HSPA4L: variants seen among roughly 807,000 people sequenced by gnomAD.
The protein encoded by HSPA4L is heat shock 70 kDa protein 4L.
A neutral mutation model predicts 100.3 loss-of-function variants in HSPA4L; 48 were observed. The observed-to-expected ratio is 0.48, with a 90% CI of 0.38 to 0.61. HSPA4L has a LOEUF of 0.61. Ranked by LOEUF, HSPA4L falls within the 20% of genes least tolerant of loss-of-function variation. The pLI is 0.00. For missense variants in HSPA4L, 886 were observed against 988.6 expected (o/e 0.90, Z 1.39); for synonymous variants, 319 against 328.2 (o/e 0.97, Z 0.30).
Position 127,838,149 on chromosome 4 carries a change from T to C in HSPA4L, c.*5275T>C, listed in dbSNP as rs1734255488. The C allele has an allele frequency of 6.6e-6, 1 of 152,216 alleles. No homozygotes were observed. The highest frequency in any genetic ancestry group is 1.5e-5 in the Non-Finnish European group (1 of 68,042). 9.4% of individuals were successfully genotyped at this position (152,216 alleles called of 1,614,324 possible). A position where few individuals can be genotyped will look rare whatever the true frequency, so the allele number is the denominator to read the frequency against. On this transcript the variant is annotated 3_prime_UTR_variant, in exon 19 of 19. Coordinates refer to ENST00000296464, the MANE Select transcript of HSPA4L (RefSeq NM_014278.4). Reference sequence around the variant, plus strand: ...GTTTTCTAACAAAACAGCTTTGGATTTATAATGCTGCCAGATGTCATTACA... The same window carrying C: ...GTTTTCTAACAAAACAGCTTTGGATCTATAATGCTGCCAGATGTCATTACA...
Position 127,782,734 on chromosome 4 carries a change from C to A in HSPA4L, c.107+77C>A, listed in dbSNP as rs866289087. The A allele has an allele frequency of 1.0e-5, 11 of 1,053,342 alleles. No homozygotes were observed. The Middle Eastern group carries it at 6.4e-4, about 61-fold the overall frequency. The allele number at this position is 1,053,342 out of a possible 1,614,324, so 65.2% of individuals were successfully genotyped here. On this transcript the variant is annotated intron_variant, in intron 1 of 18. Coordinates refer to ENST00000296464, the MANE Select transcript of HSPA4L (RefSeq NM_014278.4). Reference sequence around the variant, plus strand: ...CCGTCCTTAACGTTTGTCCTGTCTGCTCGCTTCCTCGGATTTTCCCCTAAC... The same window carrying A: ...CCGTCCTTAACGTTTGTCCTGTCTGATCGCTTCCTCGGATTTTCCCCTAAC...
rs1475800215 is a variant in HSPA4L, at chr4:127,803,749, G to T, written c.784G>T (p.Ala262Ser). 2 of 1,613,912 alleles carry T rather than the reference G, an allele frequency of 1.2e-6. No homozygotes were observed. Among genetic ancestry groups the T allele is most frequent in the Non-Finnish European group, 1.7e-6 (2 of 1,179,938 alleles). Residue 262 changes from alanine (A) to serine (S), a missense_variant, in exon 7 of 19, where the codon GCC becomes TCC. Ala to Ser is a moderately conservative substitution (Grantham distance 99, BLOSUM62 1). Coordinates refer to ENST00000296464, the MANE Select transcript of HSPA4L (RefSeq NM_014278.4). ...YKINVKENSR[A>S]LLRLYQECEK... ...GATAAATGTGAAAGAAAACTCTCGG[G>T]CCTTGTTGCGTTTATATCAGGAATG...
At position 127,839,152 on chromosome 4, in the gene HSPA4L, C is replaced by A. The variant is rs919695287; in HGVS notation, c.*6278C>A. On this transcript the variant is annotated 3_prime_UTR_variant, in exon 19 of 19. Coordinates refer to ENST00000296464, the MANE Select transcript of HSPA4L (RefSeq NM_014278.4). The stretch of plus-strand genomic sequence containing the variant: ...AAATAGCTGTTAGACACCTTTGATT[C>A]TTTGCTGCTCTCTGGTTATGTATGT... 6.6e-6 allele frequency: 1 copy of A among 152,154 alleles called. No individual in the cohort carries two copies. Among genetic ancestry groups the A allele is most frequent in the Non-Finnish European group, 1.5e-5 (1 of 68,028 alleles). The allele number at this position is 152,154 out of a possible 1,614,324, so 9.4% of individuals were successfully genotyped here. A position where few individuals can be genotyped will look rare whatever the true frequency, so the allele number is the denominator to read the frequency against.
intron 11 of HSPA4L, chr4:127,809,310 T>C: frequency 8.3e-7 from 1 of 1,197,606 alleles, no homozygotes; most frequent in Non-Finnish European, 1.2e-6. Flanking sequence ...CTCGAGACCC[T>C]GTCTTAATAA....
chr4:127,803,960 AC>A (rs1171839916), intron 7 of HSPA4L, 50 bp from the exon 8 acceptor site: 2 of 1,608,010 alleles, frequency 1.2e-6, no homozygotes, highest in East Asian at 2.2e-5. Context: ...TTTAGAAGAT[AC>A]GCTCAACTTT....
At chr4:127,823,825 CACAT>C (rs1265436328) in intron 16 of HSPA4L, among the ~76,000 whole-genome samples, 3 of 152,150 alleles carry the variant, frequency 2.0e-5, no homozygotes, top group Admixed American at 1.3e-4. Context: ...TGCATTACCT[CACAT>C]ACATTTCTTT....
rs1308486482 is a variant in HSPA4L at position 127,838,489 on chromosome 4, C to G, written c.*5615C>G. ...TTTGGTTCAGTCTGTCAGGCAAGTA[C>G]AAATCCATAACAAAAAAAATTAATA... On this transcript the variant is annotated 3_prime_UTR_variant, in exon 19 of 19. Coordinates refer to ENST00000296464, the MANE Select transcript of HSPA4L (RefSeq NM_014278.4). 1.3e-5 allele frequency: 2 copies of G among 152,140 alleles called. No homozygotes were observed. Among genetic ancestry groups the G allele is most frequent in the Non-Finnish European group, 2.9e-5 (2 of 68,014 alleles). 9.4% of individuals were successfully genotyped at this position (152,140 alleles called of 1,614,324 possible).
chr4:127,804,228 T>C, intron 8 of HSPA4L, 141 bp downstream of exon 8: 5 of 648,950 alleles, frequency 7.7e-6, no homozygotes, highest in Non-Finnish European at 1.1e-5. Flanking sequence ...AGATTATAAC[T>C]CATTATTCAT....
chr4:127,801,661 T>C, intron 5 of HSPA4L, 124 bp from the exon 6 acceptor site: 2 of 712,658 alleles, frequency 2.8e-6, no homozygotes, highest in Non-Finnish European at 4.2e-6. Flanking sequence ...GAAAAGTTCA[T>C]TTACTTTGAA....
intron 8 of HSPA4L, among the ~76,000 whole-genome samples, chr4:127,804,753 TC>T (rs1424759480): frequency 1.3e-5 from 2 of 151,978 alleles, no homozygotes; most frequent in Admixed American, 6.6e-5. Flanking sequence ...ATTTTGGTAA[TC>T]AATTAAAAAT....
rs773825859 is a variant in HSPA4L, at chr4:127,782,547, C to T, written c.-4C>T. ...TACCAGCAGCCCGACCATCACGCGG[C>T]GGGATGTCTGTGGTTGGCATTGACC... On this transcript the variant is annotated 5_prime_UTR_variant, in exon 1 of 19. Transcript: ENST00000296464. The T allele has an allele frequency of 6.2e-7, 1 of 1,612,970 alleles. No homozygotes were observed. The highest frequency in any genetic ancestry group is 8.5e-7 in the Non-Finnish European group (1 of 1,178,976).
rs115535321 is a variant in HSPA4L at position 127,825,450 on chromosome 4, G to T, written c.2046+1826G>T. The stretch of plus-strand genomic sequence containing the variant: ...ACAACTTGGGACAGGCATGAGGTGG[G>T]GGAAGGTGTGCAAAAGAAGTTACTC... On this transcript the variant is annotated intron_variant, in intron 16 of 18. Coordinates refer to ENST00000296464, the MANE Select transcript of HSPA4L (RefSeq NM_014278.4). Among the ~76,000 whole-genome samples the T allele has an allele frequency of 9.9e-5, 15 of 152,172 alleles. No individual in the cohort carries two copies. The South Asian group carries it at 2.3e-3, about 23-fold the overall frequency.
At chr4:127,807,417 A>G (rs922100162) in intron 10 of HSPA4L, among the ~76,000 whole-genome samples, 8 of 152,058 alleles carry the variant, frequency 5.3e-5, no homozygotes, top group Admixed American at 4.6e-4. Flanking sequence ...TAGGATGCAC[A>G]CTGACGTTTT....
intron 1 of HSPA4L, among the ~76,000 whole-genome samples, chr4:127,788,877 T>C (rs991879223): frequency 2.0e-5 from 3 of 152,228 alleles, no homozygotes; most frequent in African/African-American, 7.2e-5. Flanking sequence ...CAAGCATAGT[T>C]GAAACTATTT....
intron 12 of HSPA4L, among the ~76,000 whole-genome samples, chr4:127,816,847 CTG>C (rs1733682030): frequency 6.6e-6 from 1 of 152,004 alleles, no homozygotes; most frequent in South Asian, 2.1e-4. Flanking sequence ...TTCCTTTTCT[CTG>C]TGAAAGATAT....
chr4:127,816,491 G>A (rs771480550), intron 12 of HSPA4L, among the ~76,000 whole-genome samples: 2 of 152,140 alleles, frequency 1.3e-5, no homozygotes, highest in Non-Finnish European at 1.5e-5. Context: ...GAACTCGGTT[G>A]TAATTCCTAG....
intron 12 of HSPA4L, chr4:127,813,500 A>G: frequency 4.2e-6 from 1 of 237,216 alleles, no homozygotes; most frequent in East Asian, 9.2e-5. Flanking sequence ...AAATTAACAT[A>G]ATAATTGGTG....
intron 16 of HSPA4L, among the ~76,000 whole-genome samples, chr4:127,825,415 A>G (rs1733924634): frequency 1.3e-5 from 2 of 152,164 alleles, no homozygotes; most frequent in African/African-American, 4.8e-5. Flanking sequence ...ATGGGGAAAG[A>G]TGGCCCTTTA....
chr4:127,831,235 C>T (rs1209477806), intron 18 of HSPA4L, among the ~76,000 whole-genome samples: 2 of 152,018 alleles, frequency 1.3e-5, no homozygotes, highest in Admixed American at 1.3e-4. Flanking sequence ...CGTGGTGGCT[C>T]ACGTCTGTAA....
Sources: allele counts gnomAD v4.1 joint callset (sites outside exome capture counted in the v4.1 genomes callset), GRCh38; gene constraint gnomAD v4.1.1; transcripts MANE v1.5; gene names NCBI Gene and HGNC (gene_info 2026-07-23, HGNC 2026-07-21).